STK10: variants seen among roughly 807,000 people sequenced by gnomAD.
STK10 encodes serine/threonine kinase 10.
In STK10, 78 loss-of-function variants were observed where a neutral mutation model predicts 113.8. The ratio of observed to expected loss-of-function variants is 0.69; its 90% CI spans 0.57 to 0.83. The LOEUF (loss-of-function observed/expected upper bound fraction) is 0.83, where lower values mean the gene tolerates loss of function less well. Ranked by LOEUF, STK10 falls within the 40% of genes least tolerant of loss-of-function variation. The probability of loss-of-function intolerance (pLI) is 0.00; values close to 1 mark genes in which losing one functional copy is unlikely to be tolerated. For missense variants in STK10, 1,109 were observed against 1,280.1 expected, an observed-to-expected ratio of 0.87 and a Z score of 2.04; for synonymous variants, 465 against 494.7, an observed-to-expected ratio of 0.94 and a Z score of 0.80.
chr5:172,046,768 G>A (rs955384661), intron 18 of STK10, among the ~76,000 whole-genome samples: 2 of 152,194 alleles, frequency 1.3e-5, no homozygotes, highest in African/African-American at 4.8e-5. Flanking sequence ...TACAAAATCA[G>A]CCACAGACAA....
At chr5:172,068,339 C>CAA (rs61021036) in intron 12 of STK10, among the ~76,000 whole-genome samples, 238 of 142,826 alleles carry the variant, frequency 1.7e-3, no homozygotes, top group African/African-American at 5.6e-3. Context: ...GACTCTGTCT[C>CAA]AAAAAAAAAA....
chr5:172,112,908 G>T (rs1386507240), intron 4 of STK10, among the ~76,000 whole-genome samples: 1 of 151,810 alleles, frequency 6.6e-6, no homozygotes, highest in Non-Finnish European at 1.5e-5. Context: ...CACCACGCCC[G>T]GCTAATTTTG....
At chr5:172,179,485 A>C (rs1333502475) in intron 1 of STK10, among the ~76,000 whole-genome samples, 1 of 152,192 alleles carries the variant, frequency 6.6e-6, no homozygotes, top group East Asian at 1.9e-4. Flanking sequence ...GGAGAGTCCT[A>C]GGTGGAGGGC....
intron 2 of STK10, among the ~76,000 whole-genome samples, chr5:172,142,668 G>T: frequency 6.6e-6 from 1 of 152,216 alleles, no homozygotes; most frequent in East Asian, 1.9e-4. Flanking sequence ...GATAATGTAT[G>T]TCAGAACAAA....
chr5:172,053,115 G>C, intron 17 of STK10, 73 bp from the exon 18 acceptor site: 2 of 1,232,930 alleles, frequency 1.6e-6, no homozygotes, highest in Non-Finnish European at 1.2e-6. Context: ...CACACCTCAC[G>C]CTGTGGCTAC....
At chr5:172,179,277 T>C (rs1265834133) in intron 1 of STK10, among the ~76,000 whole-genome samples, 1 of 152,138 alleles carries the variant, frequency 6.6e-6, no homozygotes, top group Admixed American at 6.5e-5. Context: ...TGGTCACCTA[T>C]TTGGGGTTCA....
rs145802243 is a variant in STK10, at chr5:172,063,936, G to A, written c.2082+784C>T. ...TCGTGGGGGAAAATAGGAGCATTCCGGCAAAGGATGAAAAGAAGGCTGGGG... is the reference window on the plus strand; with the variant it reads ...TCGTGGGGGAAAATAGGAGCATTCCAGCAAAGGATGAAAAGAAGGCTGGGG... On this transcript the variant is annotated intron_variant, in intron 13 of 18. Coordinates refer to ENST00000176763, the MANE Select transcript of STK10 (RefSeq NM_005990.4). Among the ~76,000 whole-genome samples, 510 of 152,252 alleles carry A rather than the reference G, an allele frequency of 3.3e-3. 1 individual carries two copies. Among genetic ancestry groups the A allele is most frequent in the African/African-American group, 0.012 (484 of 41,552 alleles).
intron 12 of STK10, among the ~76,000 whole-genome samples, chr5:172,065,518 C>A (rs1158696981): frequency 6.6e-6 from 1 of 152,146 alleles, no homozygotes; most frequent in Non-Finnish European, 1.5e-5. Context: ...TGCCACCGCG[C>A]CTGGCCGAGA....
intron 1 of STK10, among the ~76,000 whole-genome samples, chr5:172,172,237 A>C (rs1770674940): frequency 6.6e-6 from 1 of 151,780 alleles, no homozygotes; most frequent in African/African-American, 2.4e-5. Context: ...AGCACAAAAC[A>C]CTCTTCCCCA....
At chr5:172,057,893 T>A (rs995157705) in intron 14 of STK10, among the ~76,000 whole-genome samples, 1 of 152,118 alleles carries the variant, frequency 6.6e-6, no homozygotes, top group African/African-American at 2.4e-5. Context: ...CCACACTGCA[T>A]CTCTACCTTC....
chr5:172,087,972 C>T (rs1768609651), intron 10 of STK10, among the ~76,000 whole-genome samples: 1 of 151,986 alleles, frequency 6.6e-6, no homozygotes, highest in Non-Finnish European at 1.5e-5. Context: ...GTTACCCAGG[C>T]TGGAGTGCGG....
chr5:172,162,434 G>GCT (rs373193898), intron 1 of STK10, among the ~76,000 whole-genome samples: 34 of 150,526 alleles, frequency 2.3e-4, no homozygotes, highest in African/African-American at 3.9e-4. Context: ...TCGCTCACTT[G>GCT]CTCTCTCTCT....
chr5:172,100,281 A>T (rs919538336), intron 7 of STK10, among the ~76,000 whole-genome samples: 1 of 152,168 alleles, frequency 6.6e-6, no homozygotes, highest in South Asian at 2.1e-4. Context: ...TCACAGAGGA[A>T]CTTGACCTCC....
chr5:172,057,043 A>AAGAAAGAAAGAAAG (rs1561790385), intron 15 of STK10: 6 of 204,646 alleles, frequency 2.9e-5, no homozygotes, highest in African/African-American at 1.4e-4. Context: ...GAAAGAAAGA[A>AAGAAAGAAAGAAAG]AGAAAGAAAA....
At chr5:172,170,882 A>G (rs1255344415) in intron 1 of STK10, among the ~76,000 whole-genome samples, 3 of 152,196 alleles carry the variant, frequency 2.0e-5, no homozygotes, top group Non-Finnish European at 4.4e-5. Context: ...CCAGAGGAGG[A>G]CAGTGAGACT....
intron 2 of STK10, among the ~76,000 whole-genome samples, chr5:172,151,110 T>TA (rs1770219303): frequency 6.6e-6 from 1 of 152,240 alleles, no homozygotes. Flanking sequence ...AGCTGATACT[T>TA]ACCGAAGTTT....
chr5:172,055,624 CCCG>C lies in STK10; in HGVS notation c.2487_2489del (p.Gly831del), dbSNP rs1189290852. The C allele has an allele frequency of 1.3e-6, 2 of 1,556,522 alleles. No homozygotes were observed. The highest frequency in any genetic ancestry group is 1.7e-6 in the Non-Finnish European group (2 of 1,147,010). On this transcript the variant is annotated inframe_deletion, in exon 16 of 19. Coordinates refer to ENST00000176763, the MANE Select transcript of STK10 (RefSeq NM_005990.4). ...TCTCACGCTGCTCAGCTGCGCTGCC[CCCG>C]CCGTTGATGTGGAGGCTCTTCTTGT...
chr5:172,186,549 G>A (rs1770957425), intron 1 of STK10, among the ~76,000 whole-genome samples: 1 of 152,060 alleles, frequency 6.6e-6, no homozygotes, highest in Admixed American at 6.6e-5. Context: ...TTGAGCCCAG[G>A]AGGCAGAGGT....
chr5:172,122,819 T>C (rs1554120644), intron 3 of STK10, among the ~76,000 whole-genome samples: 1 of 152,152 alleles, frequency 6.6e-6, no homozygotes, highest in Non-Finnish European at 1.5e-5. Flanking sequence ...GAGACGAGGT[T>C]TCACCATGTT....
Sources: gnomAD v4.1 joint callset for allele counts (sites outside exome capture counted in the v4.1 genomes callset) on GRCh38, gnomAD v4.1.1 for gene constraint, MANE v1.5 for transcripts, NCBI Gene and HGNC (gene_info 2026-07-23, HGNC 2026-07-21) for gene names.